PGM5: variants seen among roughly 807,000 people sequenced by gnomAD.
The protein encoded by PGM5 is phosphoglucomutase 5.
In PGM5, 23 loss-of-function variants were observed where a neutral mutation model predicts 59.2. That is an observed-to-expected ratio of 0.39 (90% CI 0.28 to 0.55). The LOEUF is 0.55. Among genes scored for constraint, PGM5 ranks in the 20% least tolerant of loss-of-function variants. The probability of loss-of-function intolerance (pLI) is 0.66; values close to 1 mark genes in which losing one functional copy is unlikely to be tolerated. For synonymous variants in PGM5, 214 were observed against 286.0 expected (o/e 0.75, Z 2.54); for missense variants, 574 against 748.3 (o/e 0.77, Z 2.72).
chr9:68,527,322 T>C (rs1214897707), intron 10 of PGM5, among the ~76,000 whole-genome samples: 1 of 152,224 alleles, frequency 6.6e-6, no homozygotes, highest in East Asian at 1.9e-4. Flanking sequence ...ATAGTATATG[T>C]TTATCTTTAT....
rs187528545 is a variant in PGM5 at position 68,360,831 on chromosome 9, C to T, written c.261+3443C>T. The stretch of plus-strand genomic sequence containing the variant: ...ATAAGAACATTTTCCTGTATAGTTA[C>T]GAAATCATCTTTTCAAACAAAATAA... On this transcript the variant is annotated intron_variant, in intron 1 of 10. Coordinates refer to ENST00000396396, the MANE Select transcript of PGM5 (RefSeq NM_021965.4). Among the ~76,000 whole-genome samples the T allele has an allele frequency of 3.4e-3, 523 of 151,994 alleles. 2 individuals carry two copies. Among genetic ancestry groups the T allele is most frequent in the African/African-American group, 0.012 (498 of 41,292 alleles).
At chr9:68,463,436 G>A (rs1823887822) in intron 6 of PGM5, among the ~76,000 whole-genome samples, 1 of 150,596 alleles carries the variant, frequency 6.6e-6, no homozygotes, top group Admixed American at 6.6e-5. Flanking sequence ...TGTGGTACCA[G>A]CTCATTCCCT....
At chr9:68,381,607 C>G (rs1554678319) in intron 2 of PGM5, among the ~76,000 whole-genome samples, 1 of 150,208 alleles carries the variant, frequency 6.7e-6, no homozygotes. Context: ...TGATATGATC[C>G]TATATATAGA....
chr9:68,438,457 C>G (rs1385667381), intron 6 of PGM5, among the ~76,000 whole-genome samples: 1 of 152,136 alleles, frequency 6.6e-6, no homozygotes, highest in African/African-American at 2.4e-5. Flanking sequence ...GCTCCCCTTT[C>G]AGATTCATTA....
chr9:68,433,652 G>A (rs117835941), intron 6 of PGM5, among the ~76,000 whole-genome samples: 78 of 152,304 alleles, frequency 5.1e-4, no homozygotes, highest in South Asian at 1.2e-3. Flanking sequence ...ATGTTCCCCA[G>A]TACTGGGACA....
At chr9:68,424,277 T>G (rs1322395419) in intron 6 of PGM5, among the ~76,000 whole-genome samples, 2 of 152,202 alleles carry the variant, frequency 1.3e-5, no homozygotes, top group African/African-American at 4.8e-5. Context: ...ACAGTGTGGC[T>G]TATGAACAAC....
intron 6 of PGM5, among the ~76,000 whole-genome samples, chr9:68,409,933 T>G (rs530551409): frequency 2.0e-5 from 3 of 151,590 alleles, no homozygotes; most frequent in Non-Finnish European, 4.4e-5. Flanking sequence ...GTGGTACATC[T>G]GACTTCGCCA....
At chr9:68,499,402 T>A in intron 10 of PGM5, 41 bp downstream of exon 10, 1 of 1,597,260 alleles carries the variant, frequency 6.3e-7, no homozygotes, top group African/African-American at 1.3e-5. Context: ...GTCTCGCAGC[T>A]CCTGGCAAAT....
intron 1 of PGM5, among the ~76,000 whole-genome samples, chr9:68,371,251 G>T (rs1407255422): frequency 3.9e-5 from 6 of 152,216 alleles, no homozygotes; most frequent in Non-Finnish European, 7.3e-5. Context: ...AGAATGCCAT[G>T]GCTTGGTCCT....
At chr9:68,379,650 A>G (rs1822015208) in intron 2 of PGM5, among the ~76,000 whole-genome samples, 4 of 152,260 alleles carry the variant, frequency 2.6e-5, no homozygotes, top group Middle Eastern at 3.4e-3. Flanking sequence ...ATCAAAAGAT[A>G]CAGAATGGCT....
intron 7 of PGM5, among the ~76,000 whole-genome samples, chr9:68,477,819 G>T (rs549410266): frequency 6.6e-6 from 1 of 152,322 alleles, no homozygotes; most frequent in African/African-American, 2.4e-5. Context: ...GGTAGGGGCT[G>T]TTATTGTCCA....
chr9:68,451,534 T>G (rs1823696168), intron 6 of PGM5, among the ~76,000 whole-genome samples: 1 of 152,242 alleles, frequency 6.6e-6, no homozygotes, highest in African/African-American at 2.4e-5. Flanking sequence ...TTAATATTTT[T>G]GGTATGATAT....
chr9:68,528,530 C>A (rs573906499), intron 10 of PGM5, among the ~76,000 whole-genome samples: 18 of 152,314 alleles, frequency 1.2e-4, no homozygotes, highest in Admixed American at 3.9e-4. Flanking sequence ...AGCCACCACG[C>A]GTGGCCAATA....
At chr9:68,421,784 G>A (rs1554682357) in intron 6 of PGM5, among the ~76,000 whole-genome samples, 1 of 151,820 alleles carries the variant, frequency 6.6e-6, no homozygotes, top group Non-Finnish European at 1.5e-5. Context: ...ACTGGCCCCT[G>A]ACTGATTCCA....
At chr9:68,516,699 C>T (rs1405991424) in intron 10 of PGM5, among the ~76,000 whole-genome samples, 1 of 152,194 alleles carries the variant, frequency 6.6e-6, no homozygotes, top group Non-Finnish European at 1.5e-5. Context: ...GGACTCCACT[C>T]AGCCAGGAGT....
intron 10 of PGM5, among the ~76,000 whole-genome samples, chr9:68,524,615 T>C (rs541677225): frequency 6.6e-6 from 1 of 152,292 alleles, no homozygotes; most frequent in South Asian, 2.1e-4. Flanking sequence ...TGAGAACACC[T>C]CTTCTCCCAC....
intron 10 of PGM5, among the ~76,000 whole-genome samples, chr9:68,501,391 C>A (rs1253742785): frequency 6.6e-6 from 1 of 152,160 alleles, no homozygotes; most frequent in Non-Finnish European, 1.5e-5. Flanking sequence ...TAGGGGAAAG[C>A]AAGAAGATTC....
chr9:68,486,776 C>T (rs1824303656), intron 9 of PGM5, among the ~76,000 whole-genome samples: 1 of 152,106 alleles, frequency 6.6e-6, no homozygotes, highest in African/African-American at 2.4e-5. Flanking sequence ...TTCAATTCTC[C>T]TGGGTACATA....
intron 1 of PGM5, among the ~76,000 whole-genome samples, chr9:68,362,293 G>A (rs1201582803): frequency 2.6e-5 from 4 of 152,188 alleles, no homozygotes; most frequent in Non-Finnish European, 5.9e-5. Flanking sequence ...CTCCACAGGT[G>A]ACAAATGAAT....
Sources: allele counts gnomAD v4.1 joint callset (sites outside exome capture counted in the v4.1 genomes callset), GRCh38; gene constraint gnomAD v4.1.1; transcripts MANE v1.5; gene names NCBI Gene and HGNC (gene_info 2026-07-23, HGNC 2026-07-21).